The following ZNF236 variants were observed in gnomAD, a reference collection of about 807,000 sequenced individuals.
The protein encoded by ZNF236 is regulated by glucose.
A neutral mutation model predicts 191.2 loss-of-function variants in ZNF236; 50 were observed. That is an observed-to-expected ratio of 0.26 (90% CI 0.21 to 0.33). The LOEUF (loss-of-function observed/expected upper bound fraction) is 0.33, where lower values mean the gene tolerates loss of function less well. Ranked by LOEUF, ZNF236 falls within the 10% of genes least tolerant of loss-of-function variation. The probability of loss-of-function intolerance (pLI) is 1.00; values close to 1 mark genes in which losing one functional copy is unlikely to be tolerated. For synonymous variants in ZNF236, 907 were observed against 928.8 expected (o/e 0.98, Z 0.43); for missense variants, 1,754 against 2,374.5 (o/e 0.74, Z 5.43).
chr18:76,932,469 C>T (rs1356348502), intron 25 of ZNF236, among the ~76,000 whole-genome samples: 9 of 152,228 alleles, frequency 5.9e-5, no homozygotes, highest in Non-Finnish European at 2.9e-5. Flanking sequence ...GTGTTCTTCT[C>T]ATCTCTAGAA....
At chr18:76,912,741 A>G (rs542812005) in intron 17 of ZNF236, among the ~76,000 whole-genome samples, 1 of 152,354 alleles carries the variant, frequency 6.6e-6, no homozygotes, top group South Asian at 2.1e-4. Flanking sequence ...GCACAATTAG[A>G]AAGACAGCTT....
At chr18:76,924,450 C>T (rs577863237) in intron 21 of ZNF236, among the ~76,000 whole-genome samples, 6 of 152,248 alleles carry the variant, frequency 3.9e-5, no homozygotes, top group East Asian at 3.9e-4. Flanking sequence ...CCCAGGGCGG[C>T]GTTGGGATAG....
chr18:76,943,049 G>C (rs1195869278), intron 26 of ZNF236, among the ~76,000 whole-genome samples: 2 of 148,500 alleles, frequency 1.3e-5, no homozygotes, highest in Non-Finnish European at 3.0e-5. Flanking sequence ...CGTGAACCCG[G>C]GAAGTGGAGG....
At position 76,925,500 on chromosome 18, in the gene ZNF236, A is replaced by C. The variant is rs559122449; in HGVS notation, c.3973A>C (p.Asn1325His). ...TGTTCTAACAGGACAGTTTGATCAGAATCTGCTGCAACCAGGACTGGTGGG... is the reference window on the plus strand; with the variant it reads ...TGTTCTAACAGGACAGTTTGATCAGCATCTGCTGCAACCAGGACTGGTGGG... ...NSVLTGQFDQ[N>H]LLQPGLVGQA... is the part of the protein sequence containing the mutation. Residue 1325 changes from asparagine to histidine, a missense_variant, in exon 22 of 31, where the codon AAT becomes CAT. Around this residue, in one of 5 missense-constraint regions of ZNF236, gnomAD observed 606 missense variants for 761.5 expected, o/e 0.80. Transcript: ENST00000320610. This position sits in a 1 kb window ranked among gnomAD's most constrained non-coding sequence, Gnocchi z 5.7. 14 of 1,614,136 alleles carry C rather than the reference A, an allele frequency of 8.7e-6. No homozygotes were observed. In the South Asian group the frequency reaches 1.2e-4, roughly 14 times the overall value.
At chr18:76,829,458 C>G (rs8092120) in intron 1 of ZNF236, among the ~76,000 whole-genome samples, 9,279 of 151,866 alleles carry the variant, frequency 0.061, 516 homozygotes, top group African/African-American at 0.15. Context: ...CTCCTGAGTA[C>G]CTGGCACTAC....
At chr18:76,946,980 G>A (rs1478417036) in intron 26 of ZNF236, among the ~76,000 whole-genome samples, 1 of 152,078 alleles carries the variant, frequency 6.6e-6, no homozygotes, top group Non-Finnish European at 1.5e-5. Flanking sequence ...ATTTTAGAAC[G>A]TTTCATCACC....
At chr18:76,862,800 G>A (rs567936171) in intron 3 of ZNF236, among the ~76,000 whole-genome samples, 1 of 152,258 alleles carries the variant, frequency 6.6e-6, no homozygotes, top group Non-Finnish European at 1.5e-5. Context: ...GCTGCTCAAA[G>A]GAGAGCCCAA....
At chr18:76,956,358 G>C (rs1003602681) in intron 28 of ZNF236, among the ~76,000 whole-genome samples, 176 bp downstream of exon 28, 2 of 152,244 alleles carry the variant, frequency 1.3e-5, no homozygotes, top group Non-Finnish European at 2.9e-5. Flanking sequence ...TCTGCTTGCT[G>C]TACAGATGAA....
chr18:76,930,019 C>T (rs8091504), intron 25 of ZNF236, among the ~76,000 whole-genome samples: 27,740 of 152,102 alleles, frequency 0.18, 4,287 homozygotes, highest in African/African-American at 0.42. Flanking sequence ...CTTTGCCTCC[C>T]GGAATTACCC....
At chr18:76,941,330 T>G (rs1312561629) in intron 26 of ZNF236, among the ~76,000 whole-genome samples, 5 of 152,176 alleles carry the variant, frequency 3.3e-5, no homozygotes, top group African/African-American at 1.2e-4. Flanking sequence ...GGGGTCACTT[T>G]CTCATTTAGG....
intron 21 of ZNF236, among the ~76,000 whole-genome samples, chr18:76,923,747 AG>A (rs1967603591): frequency 6.6e-6 from 1 of 152,240 alleles, no homozygotes; most frequent in African/African-American, 2.4e-5. Context: ...GTCCTAGACA[AG>A]GTTCTCCTCT....
At chr18:76,938,147 T>G (rs572485591) in intron 26 of ZNF236, among the ~76,000 whole-genome samples, 7 of 152,108 alleles carry the variant, frequency 4.6e-5, no homozygotes, top group African/African-American at 1.4e-4. Context: ...CCCAGCACTT[T>G]GGGAGGCTGA....
rs565992867 is a variant in ZNF236, at chr18:76,842,274, T to G, written c.56-7252T>G. On this transcript the variant is annotated intron_variant, in intron 1 of 30. Transcript: ENST00000320610. ...TTAATACGTTATCACCATTCAACCT[T>G]CACCCGTGATAATTATGTACCTCTC... 3.3e-5 allele frequency among the ~76,000 whole-genome samples: 5 copies of G among 151,764 alleles called. No individual in the cohort carries two copies. The South Asian group carries it at 1.0e-3, about 32-fold the overall frequency.
chr18:76,972,555 A>G lies in ZNF236; in HGVS notation c.*4216A>G, dbSNP rs1044574061. ...CAACTAAGAAAAAATGAAGATTAGT[A>G]TGAATGGCAGGAGCAACAGGCAGTC... On this transcript the variant is annotated 3_prime_UTR_variant, in exon 31 of 31. Coordinates refer to ENST00000320610, the MANE Select transcript of ZNF236 (RefSeq NM_001306089.2). 6.6e-6 allele frequency among the ~76,000 whole-genome samples: 1 copy of G among 152,226 alleles called. No individual in the cohort carries two copies. The highest frequency in any genetic ancestry group is 6.5e-5 in the Admixed American group (1 of 15,286).
At chr18:76,841,756 C>T (rs558822080) in intron 1 of ZNF236, among the ~76,000 whole-genome samples, 4 of 148,104 alleles carry the variant, frequency 2.7e-5, no homozygotes, top group South Asian at 2.2e-4. Context: ...TTCAATGGCA[C>T]GATCTCGGCT....
At chr18:76,893,804 C>T (rs771996694) in intron 9 of ZNF236, among the ~76,000 whole-genome samples, 2 of 152,244 alleles carry the variant, frequency 1.3e-5, no homozygotes, top group South Asian at 2.1e-4. Context: ...TGAGCCACTG[C>T]GCCCGGCCCA....
rs1191416511 is a variant in ZNF236, at chr18:76,908,303, T to G, written c.2298-17T>G. 3.7e-6 allele frequency: 6 copies of G among 1,607,278 alleles called. No individual in the cohort carries two copies. Among genetic ancestry groups the G allele is most frequent in the Non-Finnish European group, 4.3e-6 (5 of 1,174,592 alleles). ...GACAGCATCTAACCTGATGAACTGT[T>G]GTTAATTTTTCTGAAGATATGAGCT... On this transcript the variant is annotated splice_polypyrimidine_tract_variant and intron_variant, in intron 13 of 30. Transcript: ENST00000320610.
At chr18:76,916,071 T>A (rs1209947159) in intron 19 of ZNF236, among the ~76,000 whole-genome samples, 2 of 152,238 alleles carry the variant, frequency 1.3e-5, no homozygotes, top group African/African-American at 4.8e-5. Context: ...CATCTGCTCT[T>A]ACAAATCACC....
At chr18:76,952,096 C>T (rs1461777279) in intron 27 of ZNF236, among the ~76,000 whole-genome samples, 3 of 152,100 alleles carry the variant, frequency 2.0e-5, no homozygotes, top group Non-Finnish European at 2.9e-5. Context: ...TGAAATATTG[C>T]GAGAATTACC....
Sources: allele counts gnomAD v4.1 joint callset (sites outside exome capture counted in the v4.1 genomes callset), GRCh38; gene constraint gnomAD v4.1.1; regional missense constraint gnomAD v4.1.1; non-coding constraint Gnocchi (gnomAD v3.1); transcripts MANE v1.5; gene names NCBI Gene and HGNC (gene_info 2026-07-23, HGNC 2026-07-21).